KHNYN: variants seen among roughly 807,000 people sequenced by gnomAD.
KHNYN encodes protein KHNYN.
A neutral mutation model predicts 62.7 loss-of-function variants in KHNYN; 42 were observed. The observed-to-expected ratio is 0.67, with a 90% CI of 0.52 to 0.87. The LOEUF (loss-of-function observed/expected upper bound fraction) is 0.87. Ranked by LOEUF, KHNYN falls within the 40% of genes least tolerant of loss-of-function variation. The pLI, the probability that KHNYN is intolerant of heterozygous loss-of-function variation, is 0.00. For synonymous variants in KHNYN, 347 were observed against 345.6 expected, an observed-to-expected ratio of 1.00 and a Z score of -0.04; for missense variants, 829 against 874.1, an observed-to-expected ratio of 0.95 and a Z score of 0.65.
At chr14:24,427,723 TG>T, upstream of KHNYN, 1 of 1,468,198 alleles carries the variant, frequency 6.8e-7, no homozygotes, top group Non-Finnish European at 9.5e-7. This position sits in a 1 kb window ranked among gnomAD's most constrained non-coding sequence, Gnocchi z 4.4. Context: ...CTGCTGTTTC[TG>T]GGGCAAGAGA....
At position 24,439,732 on chromosome 14, in the gene KHNYN, C is replaced by T. The variant is rs2043264524; in HGVS notation, c.*2447C>T. 2 of 179,658 alleles carry T rather than the reference C, an allele frequency of 1.1e-5. No individual in the cohort carries two copies. Among genetic ancestry groups the T allele is most frequent in the South Asian group, 1.9e-4 (1 of 5,292 alleles). The allele number at this position is 179,658 out of a possible 1,614,324, so 11.1% of individuals were successfully genotyped here. On this transcript the variant is annotated 3_prime_UTR_variant, in exon 8 of 8. Coordinates refer to ENST00000553935, the MANE Select transcript of KHNYN (RefSeq NM_015299.3). ...AGGGTGACATTCCTTGAAGTAAATC[C>T]CAGGAGAATCTAGGCCAAAGAGATG...
Position 24,432,407 on chromosome 14 carries a change from G to T in KHNYN, c.1146G>T (p.Val382=). Reference sequence around the variant, plus strand: ...GTGACTGCGGAGACCGGGGAGACGTGGGGGACAGGGGAGACAAGCAGCAGG... The same window carrying T: ...GTGACTGCGGAGACCGGGGAGACGTTGGGGACAGGGGAGACAAGCAGCAGG... ...DRGDCGDRGD[V]GDRGDKQQGM... Residue 382 remains valine, a synonymous_variant, in exon 3 of 8, where the codon GTG becomes GTT. Transcript: ENST00000553935. The surrounding 1 kb of genome is among the most constrained non-coding windows in gnomAD (Gnocchi z 5.6). 1 of 1,613,498 alleles carries T rather than the reference G, an allele frequency of 6.2e-7. No individual in the cohort carries two copies. The highest frequency in any genetic ancestry group is 8.5e-7 in the Non-Finnish European group (1 of 1,179,814).
chr14:24,430,182 C>G, intron 1 of KHNYN, 63 bp downstream of exon 1: 1 of 975,162 alleles, frequency 1.0e-6, no homozygotes, highest in Admixed American at 6.2e-5. Flanking sequence ...GGAGTAGGCC[C>G]GGCCCGGGGT....
chr14:24,428,187 C>T (rs982333762), upstream of KHNYN: 6 of 1,508,268 alleles, frequency 4.0e-6, no homozygotes, highest in African/African-American at 8.3e-5. Flanking sequence ...GCCTCCAGGA[C>T]ACAGGTCAAT....
rs779113466 is a variant in KHNYN at position 24,430,917 on chromosome 14, G to A, written c.187G>A (p.Ala63Thr). The change falls in exon 2 of 8, where the codon GCC becomes ACC. Residue 63 changes from alanine (A) to threonine (T), a missense_variant. Ala to Thr is a moderately conservative substitution (Grantham distance 58). Around this residue, in one of 2 missense-constraint regions of KHNYN, gnomAD observed 559 missense variants for 527.0 expected, o/e 1.06. Coordinates refer to ENST00000553935, the MANE Select transcript of KHNYN (RefSeq NM_015299.3). Reference sequence around the variant, plus strand: ...GCAGCTGGAGGGCCCCAAGGAAAACGCCAGCAGAGCCAAGGTGAACGCCTT... The same window carrying A: ...GCAGCTGGAGGGCCCCAAGGAAAACACCAGCAGAGCCAAGGTGAACGCCTT... ...WLQLEGPKEN[A>T]SRAKEYLKGL... 6.2e-7 allele frequency: 1 copy of A among 1,612,828 alleles called. No homozygotes were observed. The highest frequency in any genetic ancestry group is 8.5e-7 in the Non-Finnish European group (1 of 1,179,122).
In KHNYN at chr14:24,440,044, C is replaced by G. The variant is rs2043272489; in HGVS notation, c.*2759C>G. ...CTATTCACAGTGCCTAACCTGGAAG[C>G]CTGTGAGGAACAGGCCTCAGGCCCT... On this transcript the variant is annotated 3_prime_UTR_variant, in exon 8 of 8. Coordinates refer to ENST00000553935, the MANE Select transcript of KHNYN (RefSeq NM_015299.3). 1 of 1,527,358 alleles carries G rather than the reference C, an allele frequency of 6.5e-7. No homozygotes were observed. Among genetic ancestry groups the G allele is most frequent in the African/African-American group, 1.4e-5 (1 of 72,756 alleles). The allele number at this position is 1,527,358 out of a possible 1,614,324, so 94.6% of individuals were successfully genotyped here.
At chr14:24,429,608 C>G (rs538802870), upstream of KHNYN, 117 of 971,434 alleles carry the variant, frequency 1.2e-4, no homozygotes, top group Admixed American at 2.3e-4. Flanking sequence ...CCGCCTACCC[C>G]CTCCGCCACG....
chr14:24,428,900 C>A (rs1353542337), upstream of KHNYN: 3 of 1,581,836 alleles, frequency 1.9e-6, no homozygotes, highest in Admixed American at 3.6e-5. Flanking sequence ...AGCAGCTCGG[C>A]CAGGCTCACA....
Position 24,441,442 on chromosome 14 carries a change from G to A in KHNYN, c.*4157G>A. 2.0e-6 allele frequency: 1 copy of A among 512,506 alleles called. No individual in the cohort carries two copies. Among genetic ancestry groups the A allele is most frequent in the Non-Finnish European group, 3.4e-6 (1 of 293,762 alleles). The allele number at this position is 512,506 out of a possible 1,614,324, so 31.7% of individuals were successfully genotyped here. On this transcript the variant is annotated 3_prime_UTR_variant, in exon 8 of 8. Coordinates refer to ENST00000553935, the MANE Select transcript of KHNYN (RefSeq NM_015299.3). Reference sequence around the variant, plus strand: ...ATGGTGTGAGAAGTAAGGGACTTTGGGATAGGTGGACTTTTCCCTGGCATT... The same window carrying A: ...ATGGTGTGAGAAGTAAGGGACTTTGAGATAGGTGGACTTTTCCCTGGCATT...
At chr14:24,428,995 C>G, upstream of KHNYN, 1 of 1,549,994 alleles carries the variant, frequency 6.5e-7, no homozygotes, top group Non-Finnish European at 8.7e-7. Flanking sequence ...GCACCAGAAC[C>G]AAGGGCAGCC....
At chr14:24,430,590 A>C (rs2043088699) in intron 1 of KHNYN, 124 bp from the exon 2 acceptor site, 2 of 1,442,552 alleles carry the variant, frequency 1.4e-6, no homozygotes, top group Admixed American at 5.2e-5. Flanking sequence ...GATGCTTGTC[A>C]CCTCCTGGGG....
Position 24,430,740 on chromosome 14 carries a change from T to G in KHNYN, c.10T>G (p.Trp4Gly). 1 of 1,565,050 alleles carries G rather than the reference T, an allele frequency of 6.4e-7. No individual in the cohort carries two copies. Among genetic ancestry groups the G allele is most frequent in the Non-Finnish European group, 8.7e-7 (1 of 1,154,670 alleles). MPT[W>G]GARPASPDRF... The stretch of plus-strand genomic sequence containing the variant: ...GCTGGGGGCAGCAGCCATGCCTACC[T>G]GGGGGGCCCGCCCCGCGTCCCCAGA... Residue 4 changes from tryptophan to glycine, a missense_variant, in exon 2 of 8, where the codon TGG becomes GGG. Trp to Gly is a radical substitution (Grantham distance 184). Transcript: ENST00000553935.
chr14:24,428,818 G>C (rs936216031), upstream of KHNYN: 10 of 1,611,974 alleles, frequency 6.2e-6, no homozygotes, highest in Non-Finnish European at 7.6e-6. Flanking sequence ...CATGGTGGTG[G>C]CTTCGGACCG....
At chr14:24,431,069 C>G in intron 2 of KHNYN, 138 bp downstream of exon 2, 1 of 748,888 alleles carries the variant, frequency 1.3e-6, no homozygotes, top group Non-Finnish European at 2.1e-6. Flanking sequence ...CACTGGCAAC[C>G]TCAGTGCCCC....
At chr14:24,436,962 G>A (rs1012601745) in intron 7 of KHNYN, 74 bp from the exon 8 acceptor site, 6 of 1,537,286 alleles carry the variant, frequency 3.9e-6, no homozygotes, top group South Asian at 2.5e-5. Context: ...GGACAATTAC[G>A]AGAGGGGTGC....
At chr14:24,425,890 G>GCA (rs1432611514), upstream of KHNYN, among the ~76,000 whole-genome samples, 5 of 152,106 alleles carry the variant, frequency 3.3e-5, no homozygotes, top group African/African-American at 9.7e-5. Flanking sequence ...TTCATTCTTG[G>GCA]CACAGTGCCA....
chr14:24,434,197 G>C lies in KHNYN; in HGVS notation c.1577+1165G>C, dbSNP rs991416115. 6.1e-6 allele frequency: 6 copies of C among 985,260 alleles called. No homozygotes were observed. The African/African-American group carries it at 1.0e-4, about 17-fold the overall frequency. The allele number at this position is 985,260 out of a possible 1,614,324, so 61.0% of individuals were successfully genotyped here. A position where few individuals can be genotyped will look rare whatever the true frequency, so the allele number is the denominator to read the frequency against. On this transcript the variant is annotated intron_variant, in intron 5 of 7. Coordinates refer to ENST00000553935, the MANE Select transcript of KHNYN (RefSeq NM_015299.3). Reference sequence around the variant, plus strand: ...GAGTTCGTTTTAATGAATGTTAAAGGCATGTGTCTGCCCAGTTGTGTGGGA... The same window carrying C: ...GAGTTCGTTTTAATGAATGTTAAAGCCATGTGTCTGCCCAGTTGTGTGGGA...
At position 24,432,428 on chromosome 14, in the gene KHNYN, G is replaced by T. The variant is rs200242807; in HGVS notation, c.1167G>T (p.Gln389His). ...ACGTGGGGGACAGGGGAGACAAGCA[G>T]CAGGGCATGGCACGGGGTCGGGGGC... ...RGDVGDRGDK[Q>H]QGMARGRGPQ... The change falls in exon 3 of 8, where the codon CAG (glutamine) becomes CAT (histidine). Residue 389 changes from glutamine to histidine, a missense_variant. This residue lies in a region of KHNYN where 559 missense variants were observed against 527.0 expected (regional missense o/e 1.06). Transcript: ENST00000553935. This position sits in a 1 kb window ranked among gnomAD's most constrained non-coding sequence, Gnocchi z 5.6. 197 of 1,613,390 alleles carry T rather than the reference G, an allele frequency of 1.2e-4. No individual in the cohort carries two copies. The highest frequency in any genetic ancestry group is 1.5e-4 in the Non-Finnish European group (174 of 1,179,828).
rs1013345743 is a variant in KHNYN, at chr14:24,440,403, G to A, written c.*3118G>A. ...CCGATGTGTATCCAGGGGAAGAATT[G>A]GTGGCCTGAGCCGATGGGGCCCCCC... On this transcript the variant is annotated 3_prime_UTR_variant, in exon 8 of 8. Transcript: ENST00000553935. 1 of 1,613,840 alleles carries A rather than the reference G, an allele frequency of 6.2e-7. No individual in the cohort carries two copies. Among genetic ancestry groups the A allele is most frequent in the Non-Finnish European group, 8.5e-7 (1 of 1,179,822 alleles).
Sources: allele counts gnomAD v4.1 joint callset (sites outside exome capture counted in the v4.1 genomes callset), GRCh38; gene constraint gnomAD v4.1.1; regional missense constraint gnomAD v4.1.1; non-coding constraint Gnocchi (gnomAD v3.1); transcripts MANE v1.5; gene names NCBI Gene and HGNC (gene_info 2026-07-23, HGNC 2026-07-21).